LBX2: variants seen among roughly 807,000 people sequenced by gnomAD.
The protein encoded by LBX2 is ladybird homeobox 2, also known as transcription factor LBX2.
A neutral mutation model predicts 7.5 loss-of-function variants in LBX2; 6 were observed. The observed-to-expected ratio is 0.80, with a 90% CI of 0.44 to 1.59. LBX2 has a LOEUF of 1.59. LBX2 is among the 40% of genes most tolerant of loss of function. LBX2 has a pLI of 0.01. For synonymous variants in LBX2, 143 were observed against 133.2 expected, an observed-to-expected ratio of 1.07 and a Z score of -0.51; for missense variants, 281 against 282.0, an observed-to-expected ratio of 1.00 and a Z score of 0.03.
In LBX2 at chr2:74,499,324, G is replaced by T; in HGVS notation, c.205+9C>A. The T allele has an allele frequency of 6.5e-7, 1 of 1,549,026 alleles. No homozygotes were observed. On this transcript the variant is annotated intron_variant, in intron 1 of 1. Coordinates refer to ENST00000377566, the MANE Select transcript of LBX2 (RefSeq NM_001282430.2). The surrounding 1 kb of genome is among the most constrained non-coding windows in gnomAD (Gnocchi z 4.6). The stretch of plus-strand genomic sequence containing the variant: ...TAAGTCAGAGTCCGCGACCTTGCCG[G>T]CTCTATACCTTCAGAGGGCTGCAGA...
At chr2:74,502,481 C>T (rs1674514949), upstream of LBX2, 2 of 618,854 alleles carry the variant, frequency 3.2e-6, no homozygotes, top group Admixed American at 3.0e-5. This position sits in a 1 kb window ranked among gnomAD's most constrained non-coding sequence, Gnocchi z 5.4. Flanking sequence ...GCTTGCTCCC[C>T]TCCTCCCCAC....
chr2:74,498,463 C>A, intron 1 of LBX2, 145 bp from the exon 2 acceptor site: 1 of 691,292 alleles, frequency 1.4e-6, no homozygotes, highest in South Asian at 2.0e-5. Context: ...GAACTGTGAT[C>A]CCTTATCGGG....
rs1171965176 is a variant in LBX2 at position 74,497,782 on chromosome 2, A to C, written c.*145T>G. The C allele has an allele frequency of 3.3e-6, 3 of 896,916 alleles. No individual in the cohort carries two copies. The highest frequency in any genetic ancestry group is 4.9e-6 in the Non-Finnish European group (3 of 616,744). 55.6% of individuals were successfully genotyped at this position (896,916 alleles called of 1,614,324 possible). ...CAGACAACAAAACAAACTTACAAAA[A>C]AACCGGGAAAGGTGAGCGTCTGGAC... On this transcript the variant is annotated 3_prime_UTR_variant, in exon 2 of 2. Transcript: ENST00000377566.
chr2:74,502,866 C>T (rs1278249232), upstream of LBX2: 3 of 1,589,070 alleles, frequency 1.9e-6, no homozygotes, highest in Non-Finnish European at 2.6e-6. This position sits in a 1 kb window ranked among gnomAD's most constrained non-coding sequence, Gnocchi z 5.4. Flanking sequence ...CCATCAAGCC[C>T]TGGGAAAGAC....
upstream of LBX2, among the ~76,000 whole-genome samples, chr2:74,500,129 G>T (rs1674453891): frequency 6.6e-6 from 1 of 152,144 alleles, no homozygotes. Context: ...CATGGGTCGG[G>T]GGCGCAACAC....
upstream of LBX2, among the ~76,000 whole-genome samples, chr2:74,500,515 G>A (rs557812663): frequency 5.9e-5 from 9 of 152,206 alleles, no homozygotes; most frequent in African/African-American, 1.9e-4. Flanking sequence ...GACTTGAAGG[G>A]CAGACTTCAC....
In LBX2 at chr2:74,499,362, A is replaced by G; in HGVS notation, c.176T>C (p.Leu59Pro). ...EELTSKTFRGLDARALQPSEG... is the reference protein window; with the variant it reads ...EELTSKTFRGPDARALQPSEG... ...AGAGGGCTGCAGAGCGCGCGCGTCAAGTCCGCGGAAAGTTTTACTAGTCAG... is the reference window on the plus strand; with the variant it reads ...AGAGGGCTGCAGAGCGCGCGCGTCAGGTCCGCGGAAAGTTTTACTAGTCAG... The change falls in exon 1 of 2, where the codon CTT becomes CCT. Residue 59 changes from leucine to proline, a missense_variant. By Grantham distance (98) the Leu-to-Pro change is moderately conservative (BLOSUM62 -3). Coordinates refer to ENST00000377566, the MANE Select transcript of LBX2 (RefSeq NM_001282430.2). The surrounding 1 kb of genome is among the most constrained non-coding windows in gnomAD (Gnocchi z 4.6). The G allele has an allele frequency of 6.4e-7, 1 of 1,550,634 alleles. No individual in the cohort carries two copies. Among genetic ancestry groups the G allele is most frequent in the South Asian group, 1.2e-5 (1 of 84,062 alleles).
upstream of LBX2, chr2:74,503,044 C>G (rs571405062): frequency 4.0e-5 from 23 of 568,236 alleles, no homozygotes; most frequent in African/African-American, 4.2e-4. This position sits in a 1 kb window ranked among gnomAD's most constrained non-coding sequence, Gnocchi z 5.1. Context: ...GGAAGCGCAG[C>G]ACGGCCGAGT....
chr2:74,499,904 C>A (rs1674449697), upstream of LBX2, among the ~76,000 whole-genome samples: 1 of 152,226 alleles, frequency 6.6e-6, no homozygotes, highest in African/African-American at 2.4e-5. The surrounding 1 kb of genome is among the most constrained non-coding windows in gnomAD (Gnocchi z 4.6). Context: ...CGCCTAGCCG[C>A]CGCTCCGGCT....
Position 74,499,509 on chromosome 2 carries a change from G to C in LBX2, c.29C>G (p.Pro10Arg). 6.5e-7 allele frequency: 1 copy of C among 1,549,554 alleles called. No homozygotes were observed. The highest frequency in any genetic ancestry group is 8.7e-7 in the Non-Finnish European group (1 of 1,146,488). The change falls in exon 1 of 2, where the codon CCC becomes CGC. Residue 10 changes from proline to arginine, a missense_variant. Coordinates refer to ENST00000377566, the MANE Select transcript of LBX2 (RefSeq NM_001282430.2). The surrounding 1 kb of genome is among the most constrained non-coding windows in gnomAD (Gnocchi z 4.6). Reference protein sequence around the residue: MNSGREPRTPRTLLSIADIL... With the variant: MNSGREPRTRRTLLSIADIL... ...GTCTGCGATGCTTAAGAGTGTCCGGGGTGTTCGGGGCTCGCGTCCCGAGTT... is the reference window on the plus strand; with the variant it reads ...GTCTGCGATGCTTAAGAGTGTCCGGCGTGTTCGGGGCTCGCGTCCCGAGTT...
At position 74,498,306 on chromosome 2, in the gene LBX2, G is replaced by A; in HGVS notation, c.218C>T (p.Pro73Leu). 6.5e-7 allele frequency: 1 copy of A among 1,544,858 alleles called. No individual in the cohort carries two copies. Among genetic ancestry groups the A allele is most frequent in the Non-Finnish European group, 8.7e-7 (1 of 1,148,578 alleles). The change falls in exon 2 of 2, where the codon CCG (proline) becomes CTG (leucine). Residue 73 changes from proline to leucine, a missense_variant. Coordinates refer to ENST00000377566, the MANE Select transcript of LBX2 (RefSeq NM_001282430.2). ...GAAGGGACCAGGGCCCAGCGCGTCC[G>A]GACCTGCCCGCCCTGTAGGGATAGG... ...ALQPSEGRAG[P>L]DALGPGPFGR...
Position 74,499,364 on chromosome 2 carries a change from T to C in LBX2, c.174A>G (p.Gly58=). ...AGGGCTGCAGAGCGCGCGCGTCAAGTCCGCGGAAAGTTTTACTAGTCAGCT... is the reference window on the plus strand; with the variant it reads ...AGGGCTGCAGAGCGCGCGCGTCAAGCCCGCGGAAAGTTTTACTAGTCAGCT... ...LEELTSKTFR[G]LDARALQPSE... Residue 58 remains glycine, a synonymous_variant, in exon 1 of 2, where the codon GGA becomes GGG. Coordinates refer to ENST00000377566, the MANE Select transcript of LBX2 (RefSeq NM_001282430.2). This position sits in a 1 kb window ranked among gnomAD's most constrained non-coding sequence, Gnocchi z 4.6. 2 of 1,550,536 alleles carry C rather than the reference T, an allele frequency of 1.3e-6. No individual in the cohort carries two copies. The highest frequency in any genetic ancestry group is 1.7e-6 in the Non-Finnish European group (2 of 1,146,970).
chr2:74,498,014 G>A lies in LBX2; in HGVS notation c.510C>T (p.Gly170=). 6.2e-7 allele frequency: 1 copy of A among 1,611,072 alleles called. No individual in the cohort carries two copies. Among genetic ancestry groups the A allele is most frequent in the Non-Finnish European group, 8.5e-7 (1 of 1,177,910 alleles). Residue 170 remains glycine (G), a synonymous_variant, in exon 2 of 2, where the codon GGC becomes GGT. Transcript: ENST00000377566. ...CGAGGCAGAGGCCGGGATCTGGAGC[G>A]CCTTCGGGCAGTGCTAAGCTGCACA... The part of the protein sequence containing the change: ...EVLCSLALPE[G]APDPGLCLGP...
chr2:74,502,641 C>T, upstream of LBX2: 3 of 1,608,964 alleles, frequency 1.9e-6, no homozygotes, highest in African/African-American at 1.3e-5. The surrounding 1 kb of genome is among the most constrained non-coding windows in gnomAD (Gnocchi z 5.4). Flanking sequence ...CGGAGTGAAC[C>T]GGTCCTTATA....
chr2:74,500,778 C>T (rs1240198112), upstream of LBX2, among the ~76,000 whole-genome samples: 1 of 152,218 alleles, frequency 6.6e-6, no homozygotes, highest in Non-Finnish European at 1.5e-5. Flanking sequence ...CTGGAGGATT[C>T]ACACCTTAGA....
Position 74,499,214 on chromosome 2 carries a change from G to C in LBX2, c.205+119C>G, listed in dbSNP as rs2104302460. On this transcript the variant is annotated intron_variant, in intron 1 of 1. Coordinates refer to ENST00000377566, the MANE Select transcript of LBX2 (RefSeq NM_001282430.2). This position sits in a 1 kb window ranked among gnomAD's most constrained non-coding sequence, Gnocchi z 4.6. ...GTGCGAGTCCTGGCACGTGGGCTGA[G>C]GACAGGGGAGGATTAGGGTGGGTGG... 1 of 875,770 alleles carries C rather than the reference G, an allele frequency of 1.1e-6. No individual in the cohort carries two copies. Among genetic ancestry groups the C allele is most frequent in the South Asian group, 1.6e-5 (1 of 62,136 alleles). 54.2% of individuals were successfully genotyped at this position (875,770 alleles called of 1,614,324 possible). A position where few individuals can be genotyped will look rare whatever the true frequency, so the allele number is the denominator to read the frequency against.
chr2:74,501,801 G>T (rs889743827), upstream of LBX2: 2 of 152,132 alleles, frequency 1.3e-5, no homozygotes, highest in African/African-American at 4.8e-5. Flanking sequence ...CACAGAGAGG[G>T]GTAGGAGGGT....
rs764976874 is a variant in LBX2, at chr2:74,498,248, G to T, written c.276C>A (p.Phe92Leu). The T allele has an allele frequency of 6.2e-7, 1 of 1,602,592 alleles. No homozygotes were observed. The highest frequency in any genetic ancestry group is 1.7e-5 in the Admixed American group (1 of 59,782). Reference sequence around the variant, plus strand: ...CCAGCTCCAGCACCTGTTGCGCGGTGAACGCAGTGCGTGACTTGCGCCGTT... The same window carrying T: ...CCAGCTCCAGCACCTGTTGCGCGGTTAACGCAGTGCGTGACTTGCGCCGTT... ...GRKRRKSRTA[F>L]TAQQVLELER... Residue 92 changes from phenylalanine to leucine, a missense_variant, in exon 2 of 2, where the codon TTC becomes TTA. Phe to Leu is a conservative substitution (Grantham distance 22). Coordinates refer to ENST00000377566, the MANE Select transcript of LBX2 (RefSeq NM_001282430.2).
At position 74,499,601 on chromosome 2, in the gene LBX2, A is replaced by G; in HGVS notation, c.-64T>C. 1 of 1,483,408 alleles carries G rather than the reference A, an allele frequency of 6.7e-7. No individual in the cohort carries two copies. Among genetic ancestry groups the G allele is most frequent in the East Asian group, 2.5e-5 (1 of 40,144 alleles). The allele number at this position is 1,483,408 out of a possible 1,614,324, so 91.9% of individuals were successfully genotyped here. Reference sequence around the variant, plus strand: ...TAGGCTCCGCAAACGCCTGGGCCCCAGTGCTCGGCTCCCAATCCGGGCCCC... The same window carrying G: ...TAGGCTCCGCAAACGCCTGGGCCCCGGTGCTCGGCTCCCAATCCGGGCCCC... On this transcript the variant is annotated 5_prime_UTR_variant, in exon 1 of 2. Coordinates refer to ENST00000377566, the MANE Select transcript of LBX2 (RefSeq NM_001282430.2). This position sits in a 1 kb window ranked among gnomAD's most constrained non-coding sequence, Gnocchi z 4.6.
Sources: gnomAD v4.1 joint callset for allele counts (sites outside exome capture counted in the v4.1 genomes callset) on GRCh38, gnomAD v4.1.1 for gene constraint, Gnocchi (gnomAD v3.1) non-coding constraint, MANE v1.5 for transcripts, NCBI Gene and HGNC (gene_info 2026-07-23, HGNC 2026-07-21) for gene names.